CSMD3: variants seen among roughly 807,000 people sequenced by gnomAD.
CSMD3 encodes CUB and Sushi multiple domains 3, also known as CUB and sushi domain-containing protein 3.
CSMD3 carries 177 observed loss-of-function variants against 435.2 expected under a neutral mutation model. That is an observed-to-expected ratio of 0.41 (90% CI 0.36 to 0.46). The LOEUF (loss-of-function observed/expected upper bound fraction) is 0.46, where lower values mean the gene tolerates loss of function less well. Among genes scored for constraint, CSMD3 ranks in the 20% least tolerant of loss-of-function variants. The pLI, the probability that CSMD3 is intolerant of heterozygous loss-of-function variation, is 0.34. For missense variants in CSMD3, 4,265 were observed against 4,504.6 expected, an observed-to-expected ratio of 0.95 and a Z score of 1.52; for synonymous variants, 1,656 against 1,520.5, an observed-to-expected ratio of 1.09 and a Z score of -2.07.
intron 28 of CSMD3, 55 bp from the exon 29 acceptor site, chr8:112,506,884 C>T (rs2130933129): frequency 1.3e-6 from 2 of 1,489,846 alleles, no homozygotes; most frequent in Non-Finnish European, 1.8e-6. Context: ...AATTTATTAG[C>T]TATCAATATT....
At position 112,304,926 on chromosome 8, in the gene CSMD3, A is replaced by C; in HGVS notation, c.8072-11T>G. 1 of 1,607,336 alleles carries C rather than the reference A, an allele frequency of 6.2e-7. No individual in the cohort carries two copies. The highest frequency in any genetic ancestry group is 1.1e-5 in the South Asian group (1 of 90,618). On this transcript the variant is annotated splice_polypyrimidine_tract_variant and intron_variant, in intron 51 of 70. Coordinates refer to ENST00000297405, the MANE Select transcript of CSMD3 (RefSeq NM_198123.2). ...TTGGACATGTAACAACTATACAAAA[A>C]CCAAAGGGTGTAATTGCTAACAAAT...
chr8:112,736,477 T>C (rs1293489030), intron 13 of CSMD3, among the ~76,000 whole-genome samples: 1 of 152,004 alleles, frequency 6.6e-6, no homozygotes, highest in African/African-American at 2.4e-5. Flanking sequence ...TGTGCTTCCA[T>C]GCTTTAATGT....
chr8:112,873,446 A>T (rs570927302), intron 10 of CSMD3, among the ~76,000 whole-genome samples: 3 of 152,012 alleles, frequency 2.0e-5, no homozygotes, highest in Admixed American at 6.6e-5. Context: ...ATTGTCTTTT[A>T]TTTCTTAATC....
At chr8:112,941,757 G>A (rs995027623) in intron 9 of CSMD3, among the ~76,000 whole-genome samples, 5 of 151,508 alleles carry the variant, frequency 3.3e-5, no homozygotes, top group Admixed American at 2.0e-4. Context: ...ATGAAATCAC[G>A]TGTATGTCTT....
chr8:112,623,055 T>C (rs1428492493), intron 22 of CSMD3, among the ~76,000 whole-genome samples: 1 of 152,034 alleles, frequency 6.6e-6, no homozygotes, highest in African/African-American at 2.4e-5. Context: ...TAATAAAACA[T>C]ATACTGAGGC....
At chr8:112,293,527 T>A (rs1372807828) in intron 54 of CSMD3, among the ~76,000 whole-genome samples, 2 of 152,104 alleles carry the variant, frequency 1.3e-5, no homozygotes, top group African/African-American at 2.4e-5. Flanking sequence ...AAGGCTGCAT[T>A]AGGATATTCA....
intron 31 of CSMD3, among the ~76,000 whole-genome samples, chr8:112,491,576 G>T (rs931300779): frequency 1.3e-5 from 2 of 152,054 alleles, no homozygotes; most frequent in Non-Finnish European, 2.9e-5. Flanking sequence ...CTTGATTGCG[G>T]GAGGTGGAGT....
At chr8:112,700,280 C>A (rs574067168) in intron 13 of CSMD3, among the ~76,000 whole-genome samples, 8 of 152,164 alleles carry the variant, frequency 5.3e-5, no homozygotes, top group African/African-American at 1.9e-4. Flanking sequence ...GAAGGCGGAT[C>A]ACCTGAGGTC....
chr8:113,436,664 A>C lies in CSMD3; in HGVS notation c.178+13T>G, dbSNP rs774856619. On this transcript the variant is annotated intron_variant, in intron 1 of 70. Coordinates refer to ENST00000297405, the MANE Select transcript of CSMD3 (RefSeq NM_198123.2). The stretch of plus-strand genomic sequence containing the variant: ...TCCATCCAAAGCGGAGGGGACCCCC[A>C]AAGCAGACCTACCTTTCACACAAGA... 2.5e-6 allele frequency: 4 copies of C among 1,614,056 alleles called. No homozygotes were observed. Among genetic ancestry groups the C allele is most frequent in the Non-Finnish European group, 3.4e-6 (4 of 1,179,920 alleles).
intron 30 of CSMD3, among the ~76,000 whole-genome samples, chr8:112,499,196 T>C (rs960240429): frequency 6.6e-6 from 1 of 151,612 alleles, no homozygotes; most frequent in Non-Finnish European, 1.5e-5. Context: ...GCAAAACAAA[T>C]ATGAAGCAAA....
chr8:113,275,267 C>A (rs2093561194), intron 3 of CSMD3, among the ~76,000 whole-genome samples: 1 of 152,012 alleles, frequency 6.6e-6, no homozygotes, highest in Non-Finnish European at 1.5e-5. Context: ...ATTCTCTTTG[C>A]AGTATACCAG....
In CSMD3 at chr8:112,237,230, G is replaced by A. The variant is rs753532523; in HGVS notation, c.10587C>T (p.Asn3529=). 77 of 1,613,434 alleles carry A rather than the reference G, an allele frequency of 4.8e-5. No individual in the cohort carries two copies. The highest frequency in any genetic ancestry group is 5.6e-5 in the Non-Finnish European group (66 of 1,179,638). The change falls in exon 67 of 71, where the codon AAC becomes AAT. Residue 3529 remains asparagine, a synonymous_variant. Coordinates refer to ENST00000297405, the MANE Select transcript of CSMD3 (RefSeq NM_198123.2). Reference sequence around the variant, plus strand: ...CCATGTTGCTATTGCTCAGTGTTGCGTTAACTCTCCCAGTGGAAGCATTGA... The same window carrying A: ...CCATGTTGCTATTGCTCAGTGTTGCATTAACTCTCCCAGTGGAAGCATTGA... The part of the protein sequence containing the change: ...TSFNASTGRV[N]ATLSNSNMEL...
Position 112,778,059 on chromosome 8 carries a change from T to A in CSMD3, c.1972+22103A>T, listed in dbSNP as rs566630993. Among the ~76,000 whole-genome samples the A allele has an allele frequency of 4.0e-4, 61 of 151,976 alleles. No individual in the cohort carries two copies. The South Asian group carries it at 0.013, about 32-fold the overall frequency. ...TACTTTTTTAAAAAATCAATAATCT[T>A]TGTTTTTAGAGCAGTTTTGTGTTCG... On this transcript the variant is annotated intron_variant, in intron 13 of 70. Transcript: ENST00000297405.
chr8:113,178,719 T>C lies in CSMD3; in HGVS notation c.515-4803A>G, dbSNP rs571416233. Among the ~76,000 whole-genome samples the C allele has an allele frequency of 3.4e-4, 52 of 151,998 alleles. 2 individuals carry two copies. The South Asian group carries it at 0.011, about 32-fold the overall frequency. On this transcript the variant is annotated intron_variant, in intron 3 of 70. Transcript: ENST00000297405. Reference sequence around the variant, plus strand: ...TTCCAAGGGCAGTGAACAAGTATATTTGAAATAGAAAAGTATAAGAATCAA... The same window carrying C: ...TTCCAAGGGCAGTGAACAAGTATATCTGAAATAGAAAAGTATAAGAATCAA...
rs184039939 is a variant in CSMD3 at position 112,593,896 on chromosome 8, G to A, written c.3716-6661C>T. Among the ~76,000 whole-genome samples, 42 of 152,028 alleles carry A rather than the reference G, an allele frequency of 2.8e-4. 1 individual carries two copies. Among genetic ancestry groups the A allele is most frequent in the African/African-American group, 9.4e-4 (39 of 41,472 alleles). On this transcript the variant is annotated intron_variant, in intron 22 of 70. Transcript: ENST00000297405. ...AGGGGTGATACAGGTTTGAAGGAAG[G>A]GTCTTTTTGTTTTTTGATGTTTTTG...
intron 27 of CSMD3, among the ~76,000 whole-genome samples, chr8:112,537,064 A>G (rs1826177640): frequency 6.6e-6 from 1 of 152,094 alleles, no homozygotes; most frequent in Non-Finnish European, 1.5e-5. Context: ...GATATACCTA[A>G]TGCTAAATGA....
chr8:113,358,639 G>A (rs1355186652), intron 1 of CSMD3, among the ~76,000 whole-genome samples: 1 of 152,164 alleles, frequency 6.6e-6, no homozygotes, highest in Non-Finnish European at 1.5e-5. Flanking sequence ...GGAGTATGTT[G>A]GAGTATGATA....
chr8:112,542,171 T>C (rs1165695321), intron 27 of CSMD3, among the ~76,000 whole-genome samples: 1 of 149,720 alleles, frequency 6.7e-6, no homozygotes, highest in Non-Finnish European at 1.5e-5. Context: ...ATAAAGGCCA[T>C]ATATCAAAAG....
At chr8:112,381,324 T>A (rs1431711946) in intron 37 of CSMD3, among the ~76,000 whole-genome samples, 2 of 152,170 alleles carry the variant, frequency 1.3e-5, no homozygotes, top group Non-Finnish European at 2.9e-5. Flanking sequence ...CTGAAGGAGA[T>A]CAAATTTATT....
Sources: allele counts gnomAD v4.1 joint callset (sites outside exome capture counted in the v4.1 genomes callset), GRCh38; gene constraint gnomAD v4.1.1; transcripts MANE v1.5; gene names NCBI Gene and HGNC (gene_info 2026-07-23, HGNC 2026-07-21).